AIG1: variants seen among roughly 807,000 people sequenced by gnomAD.
AIG1 encodes androgen induced 1, also known as androgen-induced gene 1 protein.
AIG1 carries 23 observed loss-of-function variants against 31.4 expected under a neutral mutation model. The ratio of observed to expected loss-of-function variants is 0.73; its 90% CI spans 0.53 to 1.04. The LOEUF is 1.04. Ranked by LOEUF, AIG1 falls within the 50% of genes least tolerant of loss-of-function variation. The pLI, the probability that AIG1 is intolerant of heterozygous loss-of-function variation, is 0.00. For synonymous variants in AIG1, 100 were observed against 110.5 expected (o/e 0.90, Z 0.60); for missense variants, 274 against 295.0 (o/e 0.93, Z 0.52).
intron 1 of AIG1, among the ~76,000 whole-genome samples, chr6:143,075,726 T>C (rs1562348320): frequency 6.6e-6 from 1 of 152,190 alleles, no homozygotes; most frequent in Non-Finnish European, 1.5e-5. Context: ...CTTTATTCTT[T>C]CCTATATAAG....
chr6:143,112,488 A>G (rs559908174), intron 1 of AIG1, among the ~76,000 whole-genome samples: 30 of 152,318 alleles, frequency 2.0e-4, no homozygotes, highest in East Asian at 1.2e-3. Flanking sequence ...AATAGGCACT[A>G]TGTTAGGCTC....
intron 4 of AIG1, among the ~76,000 whole-genome samples, chr6:143,303,473 TA>T: frequency 6.6e-6 from 1 of 152,346 alleles, no homozygotes; most frequent in South Asian, 2.1e-4. Flanking sequence ...CACCATTTAT[TA>T]AATAGGGAAT....
chr6:143,187,857 GA>G, intron 3 of AIG1: 1 of 1,438,928 alleles, frequency 6.9e-7, no homozygotes, highest in Non-Finnish European at 9.1e-7. Context: ...GCGATGTACA[GA>G]AGGGTATCCG....
intron 3 of AIG1, among the ~76,000 whole-genome samples, chr6:143,227,254 T>C (rs1212578380): frequency 6.6e-6 from 1 of 152,136 alleles, no homozygotes; most frequent in Non-Finnish European, 1.5e-5. Context: ...TGTCAACAAA[T>C]GCTTAGTTAT....
intron 3 of AIG1, among the ~76,000 whole-genome samples, chr6:143,246,446 TTCACTA>T (rs1218046026): frequency 6.6e-6 from 1 of 152,096 alleles, no homozygotes; most frequent in Non-Finnish European, 1.5e-5. Flanking sequence ...ATGAGACCCA[TTCACTA>T]TCACAAGAAC....
chr6:143,198,281 A>G lies in AIG1; in HGVS notation c.399+33098A>G, dbSNP rs56249423. Among the ~76,000 whole-genome samples the G allele has an allele frequency of 3.3e-3, 505 of 152,342 alleles. 2 individuals are homozygous for G. The highest frequency in any genetic ancestry group is 0.012 in the African/African-American group (486 of 41,586). On this transcript the variant is annotated intron_variant, in intron 3 of 5. Coordinates refer to ENST00000357847, the MANE Select transcript of AIG1 (RefSeq NM_016108.4). ...CTAGGAGGTGGCGAGGGAAAATGCA[A>G]ACAAAAGTTTGCCTAGAACCAAACC...
rs183476251 is a variant in AIG1 at position 143,074,512 on chromosome 6, C to A, written c.141+13446C>A. On this transcript the variant is annotated intron_variant, in intron 1 of 5. Coordinates refer to ENST00000357847, the MANE Select transcript of AIG1 (RefSeq NM_016108.4). ...TTTATTGAAGAGATTATCCTTTCCC[C>A]ATTGTGTTCTTTTGGTGGCTTTGTC... Among the ~76,000 whole-genome samples, 10 of 152,258 alleles carry A rather than the reference C, an allele frequency of 6.6e-5. No individual in the cohort carries two copies. The East Asian group carries it at 7.7e-4, about 12-fold the overall frequency.
intron 3 of AIG1, among the ~76,000 whole-genome samples, chr6:143,213,049 A>T (rs1338885922): frequency 6.6e-6 from 1 of 152,200 alleles, no homozygotes; most frequent in Non-Finnish European, 1.5e-5. Context: ...AACAAATATC[A>T]AAATGGACCC....
chr6:143,311,153 A>C (rs2128707055), intron 4 of AIG1, among the ~76,000 whole-genome samples: 1 of 152,068 alleles, frequency 6.6e-6, no homozygotes, highest in East Asian at 1.9e-4. Context: ...AAGAAAGAAA[A>C]CTTACAGACA....
chr6:143,331,256 T>C lies in AIG1; in HGVS notation c.516-2026T>C, dbSNP rs28502112. Among the ~76,000 whole-genome samples, 21,534 of 152,172 alleles carry C rather than the reference T, an allele frequency of 0.14. 1,790 individuals carry two copies. The highest frequency in any genetic ancestry group is 0.4 in the East Asian group (2,067 of 5,180). On this transcript the variant is annotated intron_variant, in intron 4 of 5. Coordinates refer to ENST00000357847, the MANE Select transcript of AIG1 (RefSeq NM_016108.4). This position sits in a 1 kb window ranked among gnomAD's most constrained non-coding sequence, Gnocchi z 4.1. ...AAGTATACTATTTAATGTCCTTAAA[T>C]GTATTTACAACATTGTGTAACCATC...
At chr6:143,065,565 A>G (rs1415134889) in intron 1 of AIG1, among the ~76,000 whole-genome samples, 1 of 152,218 alleles carries the variant, frequency 6.6e-6, no homozygotes, top group Non-Finnish European at 1.5e-5. Context: ...AAACCAACAT[A>G]AATAAATGAA....
intron 2 of AIG1, among the ~76,000 whole-genome samples, chr6:143,160,898 T>A (rs577515925): frequency 6.6e-6 from 1 of 152,214 alleles, no homozygotes; most frequent in Non-Finnish European, 1.5e-5. Flanking sequence ...TCACTTTTAA[T>A]AACCCATATA....
At chr6:143,341,064 G>A (rs746081821), downstream of AIG1, among the ~76,000 whole-genome samples, 13 of 151,970 alleles carry the variant, frequency 8.6e-5, no homozygotes, top group African/African-American at 1.7e-4. Flanking sequence ...TCTTCCTTCC[G>A]TCTCTCTGTC....
intron 3 of AIG1, among the ~76,000 whole-genome samples, chr6:143,171,499 TATATTTA>T (rs1787604141): frequency 8.1e-6 from 1 of 123,352 alleles, no homozygotes; most frequent in South Asian, 2.3e-4. Flanking sequence ...ATATATAATA[TATATTTA>T]ATATATATAA....
In AIG1 at chr6:143,293,554, G is replaced by A. The variant is rs1798204448; in HGVS notation, c.515+9329G>A. On this transcript the variant is annotated intron_variant, in intron 4 of 5. Coordinates refer to ENST00000357847, the MANE Select transcript of AIG1 (RefSeq NM_016108.4). This position sits in a 1 kb window ranked among gnomAD's most constrained non-coding sequence, Gnocchi z 4.8. ...TTGGTGCCTGAGAATGTCCACTTGG[G>A]TGTTGGTCAAATCAGCTTCTTAGAC... is the stretch of plus-strand genomic sequence containing the variant. Among the ~76,000 whole-genome samples, 1 of 152,186 alleles carries A rather than the reference G, an allele frequency of 6.6e-6. No individual in the cohort carries two copies. Among genetic ancestry groups the A allele is most frequent in the African/African-American group, 2.4e-5 (1 of 41,446 alleles).
chr6:143,153,202 G>C (rs2128549357), intron 2 of AIG1, among the ~76,000 whole-genome samples: 1 of 152,228 alleles, frequency 6.6e-6, no homozygotes, highest in South Asian at 2.1e-4. Flanking sequence ...AAATGTGCGA[G>C]GTACAAGGCA....
intron 1 of AIG1, among the ~76,000 whole-genome samples, chr6:143,071,687 TTG>T (rs1308617068): frequency 1.4e-5 from 2 of 147,098 alleles, no homozygotes; most frequent in Non-Finnish European, 2.9e-5. Flanking sequence ...GGTTCTTTTT[TTG>T]TTGTTGTTGT....
At chr6:143,201,776 A>G (rs1391569209) in intron 3 of AIG1, among the ~76,000 whole-genome samples, 3 of 152,212 alleles carry the variant, frequency 2.0e-5, no homozygotes, top group Admixed American at 6.5e-5. Context: ...AGAAAATGAA[A>G]TTAAAGTAGG....
At chr6:143,239,590 C>G (rs768701687) in intron 3 of AIG1, among the ~76,000 whole-genome samples, 1 of 152,236 alleles carries the variant, frequency 6.6e-6, no homozygotes, top group Non-Finnish European at 1.5e-5. Flanking sequence ...TTGTTTCCCT[C>G]TCATCTTCCT....
Sources: gnomAD v4.1 joint callset for allele counts (sites outside exome capture counted in the v4.1 genomes callset) on GRCh38, gnomAD v4.1.1 for gene constraint, Gnocchi (gnomAD v3.1) non-coding constraint, MANE v1.5 for transcripts, NCBI Gene and HGNC (gene_info 2026-07-23, HGNC 2026-07-21) for gene names.